The following EVL variants were observed in gnomAD, a reference collection of about 807,000 sequenced individuals.
The protein encoded by EVL is ena/VASP-like protein.
EVL carries 21 observed loss-of-function variants against 59.6 expected under a neutral mutation model. The observed-to-expected ratio is 0.35, with a 90% CI of 0.25 to 0.51. The LOEUF is 0.51. Ranked by LOEUF, EVL falls within the 20% of genes least tolerant of loss-of-function variation. The pLI, the probability that EVL is intolerant of heterozygous loss-of-function variation, is 0.97. For missense variants in EVL, 462 were observed against 546.6 expected, an observed-to-expected ratio of 0.85 and a Z score of 1.54; for synonymous variants, 198 against 203.5, an observed-to-expected ratio of 0.97 and a Z score of 0.23.
chr14:99,990,324 C>T (rs550605738), intron 1 of EVL, among the ~76,000 whole-genome samples: 2 of 152,246 alleles, frequency 1.3e-5, no homozygotes, highest in Non-Finnish European at 2.9e-5. Flanking sequence ...TTCCAGTGTT[C>T]GCTCTTTTTT....
intron 1 of EVL, among the ~76,000 whole-genome samples, chr14:99,987,296 A>G (rs2060845660): frequency 6.6e-6 from 1 of 152,168 alleles, no homozygotes; most frequent in African/African-American, 2.4e-5. Context: ...CCTTTGGAAT[A>G]TGATTAGGTC....
intron 1 of EVL, among the ~76,000 whole-genome samples, chr14:100,006,248 T>C (rs574230643): frequency 1.3e-5 from 2 of 148,960 alleles, no homozygotes; most frequent in East Asian, 3.9e-4. Flanking sequence ...AATGCTTTAA[T>C]GGTAAGGAGC....
intron 3 of EVL, chr14:100,102,241 A>G (rs1276203822): frequency 2.2e-6 from 1 of 455,900 alleles, no homozygotes; most frequent in African/African-American, 2.0e-5. Context: ...AGTGCAGCGC[A>G]GCATAGAGGA....
rs1887242072 is a variant in EVL at position 100,114,995 on chromosome 14, A to G, written c.359-8544A>G. 6.6e-6 allele frequency among the ~76,000 whole-genome samples: 1 copy of G among 151,926 alleles called. No individual in the cohort carries two copies. ...TTTCCGAGCCTCAGTTTCCCCACCT[A>G]TAAAATAGGGTTAATAAGCCCAGCC... On this transcript the variant is annotated intron_variant, in intron 3 of 13. Coordinates refer to ENST00000392920, the MANE Select transcript of EVL (RefSeq NM_016337.3). This position sits in a 1 kb window ranked among gnomAD's most constrained non-coding sequence, Gnocchi z 5.0.
At chr14:100,134,167 C>G (rs1888624590) in intron 8 of EVL, among the ~76,000 whole-genome samples, 1 of 152,186 alleles carries the variant, frequency 6.6e-6, no homozygotes, top group Admixed American at 6.5e-5. Flanking sequence ...TGGAGTTTAG[C>G]CAACTGACTT....
At position 100,143,762 on chromosome 14, in the gene EVL, TCGTC is replaced by T; in HGVS notation, c.*25_*28del. The T allele has an allele frequency of 5.0e-6, 8 of 1,609,800 alleles. No homozygotes were observed. The South Asian group carries it at 8.8e-5, about 18-fold the overall frequency. The stretch of plus-strand genomic sequence containing the variant: ...AAGGGGCCGGCCTCGCTGCGCTGAT[TCGTC>T]GAGCCCATCCGGCGACAGAGGACAG... On this transcript the variant is annotated 3_prime_UTR_variant, in exon 14 of 14. Coordinates refer to ENST00000392920, the MANE Select transcript of EVL (RefSeq NM_016337.3).
chr14:100,003,051 G>T (rs1370452304), intron 1 of EVL, among the ~76,000 whole-genome samples: 1 of 152,172 alleles, frequency 6.6e-6, no homozygotes, highest in Non-Finnish European at 1.5e-5. Context: ...CCGTATGCTG[G>T]TCTTGCATCA....
intron 1 of EVL, among the ~76,000 whole-genome samples, chr14:100,029,384 G>A (rs79293067): frequency 0.013 from 1,982 of 152,190 alleles, 45 homozygotes; most frequent in African/African-American, 0.045. Context: ...TTTGATACTA[G>A]GATAACCATT....
At chr14:100,071,264 C>T (rs1304712568) in intron 1 of EVL, among the ~76,000 whole-genome samples, 1 of 152,216 alleles carries the variant, frequency 6.6e-6, no homozygotes, top group Non-Finnish European at 1.5e-5. Flanking sequence ...GGCTCAGTCA[C>T]CATTTGGGTT....
intron 2 of EVL, among the ~76,000 whole-genome samples, chr14:100,094,311 A>C (rs1885652788): frequency 6.6e-6 from 1 of 152,152 alleles, no homozygotes; most frequent in Non-Finnish European, 1.5e-5. Flanking sequence ...CATATTGTCC[A>C]TATTCTGGAT....
intron 1 of EVL, among the ~76,000 whole-genome samples, chr14:100,067,141 G>A (rs1446983207): frequency 6.6e-6 from 1 of 152,184 alleles, no homozygotes; most frequent in Non-Finnish European, 1.5e-5. Context: ...CTTGCACTCT[G>A]CCACAGGTCC....
chr14:100,133,925 G>A (rs536866012), intron 8 of EVL, among the ~76,000 whole-genome samples: 14 of 152,168 alleles, frequency 9.2e-5, no homozygotes, highest in African/African-American at 2.4e-4. Flanking sequence ...CAACAAGAAC[G>A]AGACTCCGTC....
At chr14:99,995,016 A>G (rs778701132) in intron 1 of EVL, among the ~76,000 whole-genome samples, 10 of 152,162 alleles carry the variant, frequency 6.6e-5, no homozygotes, top group African/African-American at 1.9e-4. Flanking sequence ...AAATTATTTG[A>G]TAATCTTATA....
intron 1 of EVL, among the ~76,000 whole-genome samples, chr14:100,080,075 T>C (rs947601803): frequency 1.4e-4 from 21 of 152,010 alleles, no homozygotes; most frequent in Non-Finnish European, 2.4e-4. Context: ...TTTTTTTTTT[T>C]TCTCTTCAGT....
intron 3 of EVL, among the ~76,000 whole-genome samples, chr14:100,112,130 G>A (rs1566705815): frequency 6.6e-6 from 1 of 152,208 alleles, no homozygotes; most frequent in Non-Finnish European, 1.5e-5. Flanking sequence ...GTAGCCTCCT[G>A]CCAGCTTCAG....
chr14:99,975,346 A>G (rs1566960014), intron 1 of EVL, among the ~76,000 whole-genome samples: 1 of 152,124 alleles, frequency 6.6e-6, no homozygotes, highest in Non-Finnish European at 1.5e-5. Context: ...TTTTATTTAT[A>G]ATTAGAGTTT....
chr14:100,081,838 G>A (rs564215858), intron 1 of EVL, among the ~76,000 whole-genome samples: 14 of 152,292 alleles, frequency 9.2e-5, no homozygotes, highest in South Asian at 6.2e-4. Context: ...AGTGGCTCAC[G>A]CCTGTAATCC....
intron 4 of EVL, among the ~76,000 whole-genome samples, chr14:100,125,274 AC>A (rs1887998009): frequency 6.6e-6 from 1 of 151,832 alleles, no homozygotes; most frequent in Non-Finnish European, 1.5e-5. Flanking sequence ...ACACACACAC[AC>A]ACACACACAC....
At chr14:99,988,989 A>G (rs2060858718) in intron 1 of EVL, among the ~76,000 whole-genome samples, 1 of 152,220 alleles carries the variant, frequency 6.6e-6, no homozygotes, top group Non-Finnish European at 1.5e-5. Context: ...TAATCCCAGT[A>G]TCGCAAGATT....
Sources: allele counts gnomAD v4.1 joint callset (sites outside exome capture counted in the v4.1 genomes callset), GRCh38; gene constraint gnomAD v4.1.1; non-coding constraint Gnocchi (gnomAD v3.1); transcripts MANE v1.5; gene names NCBI Gene and HGNC (gene_info 2026-07-23, HGNC 2026-07-21).